The following PPP4R4 variants were observed in gnomAD, a reference collection of about 807,000 sequenced individuals.
PPP4R4 encodes the protein protein phosphatase 4 regulatory subunit 4.
Under a neutral mutation model 121.8 loss-of-function variants are expected in PPP4R4, and 70 were observed. The ratio of observed to expected loss-of-function variants is 0.57; its 90% CI spans 0.47 to 0.70. PPP4R4 has a LOEUF of 0.70. Among genes scored for constraint, PPP4R4 ranks in the 30% least tolerant of loss-of-function variants. The pLI, the probability that PPP4R4 is intolerant of heterozygous loss-of-function variation, is 0.00. For missense variants in PPP4R4, 875 were observed against 1,033.6 expected, an observed-to-expected ratio of 0.85 and a Z score of 2.10; for synonymous variants, 348 against 355.7, an observed-to-expected ratio of 0.98 and a Z score of 0.24.
At chr14:94,256,633 AT>A (rs749246184) in intron 17 of PPP4R4, 29 bp downstream of exon 17, 8 of 1,546,416 alleles carry the variant, frequency 5.2e-6, no homozygotes, top group Middle Eastern at 1.7e-4. Flanking sequence ...ACAATGTTGC[AT>A]TTTTTGCATT....
chr14:94,190,872 CTT>C (rs11414150), intron 2 of PPP4R4, among the ~76,000 whole-genome samples: 2 of 145,598 alleles, frequency 1.4e-5, no homozygotes, highest in African/African-American at 5.0e-5. Context: ...TGATTTCCAA[CTT>C]TTTTTTTTTT....
chr14:94,202,172 G>A (rs963820648), intron 2 of PPP4R4, among the ~76,000 whole-genome samples: 5 of 152,046 alleles, frequency 3.3e-5, no homozygotes, highest in African/African-American at 9.7e-5. Context: ...TGAGGGGTGT[G>A]AGGGGTAAAA....
intron 23 of PPP4R4, among the ~76,000 whole-genome samples, chr14:94,268,607 A>G (rs909038127): frequency 6.6e-6 from 1 of 152,188 alleles, no homozygotes; most frequent in Non-Finnish European, 1.5e-5. Flanking sequence ...TGGGTAATTT[A>G]TAAAGGAAGA....
chr14:94,244,318 A>G (rs1892778219), intron 11 of PPP4R4, among the ~76,000 whole-genome samples: 1 of 152,166 alleles, frequency 6.6e-6, no homozygotes, highest in South Asian at 2.1e-4. Context: ...TGGCTCCTCT[A>G]AGACTTTAAA....
intron 19 of PPP4R4, 148 bp downstream of exon 19, chr14:94,259,517 C>A: frequency 8.7e-7 from 1 of 1,148,832 alleles, no homozygotes; most frequent in Non-Finnish European, 1.1e-6. Context: ...GAAATCTGTT[C>A]TTTTATGAAC....
chr14:94,203,300 A>G (rs140698418), intron 2 of PPP4R4, among the ~76,000 whole-genome samples: 32 of 152,290 alleles, frequency 2.1e-4, no homozygotes, highest in South Asian at 8.3e-4. Flanking sequence ...ACGGTATGTA[A>G]CCTTTTGGGA....
At chr14:94,271,373 T>C (rs1356216641) in intron 23 of PPP4R4, among the ~76,000 whole-genome samples, 1 of 152,200 alleles carries the variant, frequency 6.6e-6, no homozygotes, top group African/African-American at 2.4e-5. Flanking sequence ...GAAGAACCCT[T>C]AATGTAATAC....
chr14:94,273,625 A>G (rs1388788575), intron 23 of PPP4R4, among the ~76,000 whole-genome samples: 1 of 152,136 alleles, frequency 6.6e-6, no homozygotes, highest in African/African-American at 2.4e-5. Flanking sequence ...GGTGATAATG[A>G]CATGTCAATG....
At chr14:94,271,055 A>G (rs1043569999) in intron 23 of PPP4R4, among the ~76,000 whole-genome samples, 2 of 152,212 alleles carry the variant, frequency 1.3e-5, no homozygotes, top group African/African-American at 4.8e-5. Context: ...AACAGAAAGC[A>G]TCTAGCCCAG....
At chr14:94,260,530 G>C (rs2139629526) in intron 19 of PPP4R4, among the ~76,000 whole-genome samples, 1 of 151,950 alleles carries the variant, frequency 6.6e-6, no homozygotes. Context: ...CATACTATTG[G>C]GTATGTAATG....
intron 2 of PPP4R4, among the ~76,000 whole-genome samples, chr14:94,195,493 A>G (rs1889824406): frequency 6.6e-6 from 1 of 152,212 alleles, no homozygotes; most frequent in African/African-American, 2.4e-5. Context: ...CCAGTAATTA[A>G]TGTTGGTGGT....
rs961402926 is a variant in PPP4R4, at chr14:94,252,497, C to CT, written c.1865+610dup. 2.6e-4 allele frequency among the ~76,000 whole-genome samples: 39 copies of CT among 150,940 alleles called. 1 individual carries two copies. The highest frequency in any genetic ancestry group is 5.8e-4 in the East Asian group (3 of 5,192). ...TCTCTCCAAAAGAGCACATCACTTCCTTTTTTTTTACTGTGGTAAAATATG... is the reference window on the plus strand; with the variant it reads ...TCTCTCCAAAAGAGCACATCACTTCCTTTTTTTTTTACTGTGGTAAAATATG... On this transcript the variant is annotated intron_variant, in intron 16 of 24. Transcript: ENST00000304338.
At chr14:94,242,922 T>G (rs1892708459) in intron 11 of PPP4R4, among the ~76,000 whole-genome samples, 2 of 152,146 alleles carry the variant, frequency 1.3e-5, no homozygotes, top group Non-Finnish European at 2.9e-5. Context: ...ACCCTTGAAG[T>G]TGAAATTTGG....
intron 3 of PPP4R4, among the ~76,000 whole-genome samples, chr14:94,222,565 C>T (rs1468051542): frequency 2.2e-5 from 3 of 136,454 alleles, no homozygotes; most frequent in Non-Finnish European, 3.3e-5. Context: ...GTAGTATTTC[C>T]ATTTGGAATC....
At chr14:94,177,154 G>T (rs1035161575) in intron 2 of PPP4R4, among the ~76,000 whole-genome samples, 1 of 151,756 alleles carries the variant, frequency 6.6e-6, no homozygotes, top group African/African-American at 2.4e-5. Context: ...ATGAGTTTCT[G>T]TTGTAACTTT....
chr14:94,263,308 T>C (rs560032515), intron 19 of PPP4R4, among the ~76,000 whole-genome samples: 80 of 152,054 alleles, frequency 5.3e-4, no homozygotes, highest in Non-Finnish European at 9.7e-4. Context: ...TTTCTCAATT[T>C]TTAAAAAAAC....
intron 7 of PPP4R4, among the ~76,000 whole-genome samples, chr14:94,235,388 CTTTTTTTTTTTTTTTT>C (rs34881107): frequency 7.9e-5 from 4 of 50,806 alleles, no homozygotes; most frequent in Non-Finnish European, 1.0e-4. Flanking sequence ...TCTCCTTGTT[CTTTTTTTTTTTTTTTT>C]TTTTTTTTTT....
At chr14:94,183,563 T>C (rs1448737375) in intron 2 of PPP4R4, among the ~76,000 whole-genome samples, 2 of 152,216 alleles carry the variant, frequency 1.3e-5, no homozygotes, top group Non-Finnish European at 2.9e-5. Flanking sequence ...AGAACAACCA[T>C]GGGAGGCATC....
chr14:94,222,536 C>T (rs2139501073), intron 3 of PPP4R4, among the ~76,000 whole-genome samples: 1 of 149,782 alleles, frequency 6.7e-6, no homozygotes, highest in South Asian at 2.1e-4. Flanking sequence ...ACCCACATAG[C>T]TATCATTTTT....
Sources: gnomAD v4.1 joint callset for allele counts (sites outside exome capture counted in the v4.1 genomes callset) on GRCh38, gnomAD v4.1.1 for gene constraint, MANE v1.5 for transcripts, NCBI Gene and HGNC (gene_info 2026-07-23, HGNC 2026-07-21) for gene names.